The following NT5DC1 variants were observed in gnomAD, a reference collection of about 807,000 sequenced individuals.
The protein encoded by NT5DC1 is 5'-nucleotidase domain containing 1.
In NT5DC1, 42 loss-of-function variants were observed where a neutral mutation model predicts 59.4. That is an observed-to-expected ratio of 0.71 (90% confidence interval 0.55 to 0.92). The LOEUF (loss-of-function observed/expected upper bound fraction) is 0.92, where lower values mean the gene tolerates loss of function less well. Among genes scored for constraint, NT5DC1 ranks in the 40% least tolerant of loss-of-function variants. The pLI is 0.00. For missense variants in NT5DC1, 501 were observed against 537.1 expected (o/e 0.93, Z 0.66); for synonymous variants, 172 against 188.1 (o/e 0.91, Z 0.70).
At position 116,174,174 on chromosome 6, in the gene NT5DC1, A is replaced by G. The variant is rs140280728; in HGVS notation, c.530-46880A>G. Among the ~76,000 whole-genome samples, 453 of 152,236 alleles carry G rather than the reference A, an allele frequency of 3.0e-3. 2 individuals are homozygous for G. The highest frequency in any genetic ancestry group is 0.01 in the African/African-American group (428 of 41,522). ...AATATTAACCTTGATTACCTGACCAACATAGCATTTGCCATGTTTCTCTAC... is the reference window on the plus strand; with the variant it reads ...AATATTAACCTTGATTACCTGACCAGCATAGCATTTGCCATGTTTCTCTAC... On this transcript the variant is annotated intron_variant, in intron 6 of 11. Transcript: ENST00000319550.
At chr6:116,185,441 T>G (rs187042674) in intron 6 of NT5DC1, among the ~76,000 whole-genome samples, 2 of 152,208 alleles carry the variant, frequency 1.3e-5, no homozygotes, top group Admixed American at 1.3e-4. Flanking sequence ...TGATGGCCTG[T>G]CTAATGCTGT....
intron 6 of NT5DC1, among the ~76,000 whole-genome samples, chr6:116,141,454 T>C (rs1779761625): frequency 6.6e-6 from 1 of 152,136 alleles, no homozygotes; most frequent in African/African-American, 2.4e-5. Context: ...TCATTGAGAT[T>C]CAATAAATTA....
At chr6:116,226,236 G>A (rs1228640708) in intron 8 of NT5DC1, among the ~76,000 whole-genome samples, 4 of 151,946 alleles carry the variant, frequency 2.6e-5, no homozygotes, top group Non-Finnish European at 5.9e-5. Context: ...ATATAAGTAA[G>A]TACCCAATAA....
At chr6:116,111,060 G>T (rs757123744) in intron 4 of NT5DC1, 104 bp downstream of exon 4, 18 of 732,562 alleles carry the variant, frequency 2.5e-5, no homozygotes, top group Non-Finnish European at 3.7e-5. Flanking sequence ...CTGCTGGGCA[G>T]GATGCCAAAG....
intron 6 of NT5DC1, chr6:116,120,876 C>A: frequency 6.2e-7 from 1 of 1,613,932 alleles, no homozygotes; most frequent in Non-Finnish European, 8.5e-7. Flanking sequence ...GGTCCTCCAA[C>A]TCCAGGATCA....
rs149940472 is a variant in NT5DC1 at position 116,115,529 on chromosome 6, C to G, written c.365-162C>G. Among the ~76,000 whole-genome samples, 194 of 152,262 alleles carry G rather than the reference C, an allele frequency of 1.3e-3. 1 individual carries two copies. The highest frequency in any genetic ancestry group is 1.4e-3 in the Non-Finnish European group (94 of 68,006). ...TGGTGCCCTCAGAGCTTAAATCTTTCTTAAAAGACAATGACAGCCAATAAT... is the reference window on the plus strand; with the variant it reads ...TGGTGCCCTCAGAGCTTAAATCTTTGTTAAAAGACAATGACAGCCAATAAT... On this transcript the variant is annotated intron_variant, in intron 4 of 11. Transcript: ENST00000319550.
At chr6:116,225,976 C>T (rs945229264) in intron 8 of NT5DC1, among the ~76,000 whole-genome samples, 1 of 152,088 alleles carries the variant, frequency 6.6e-6, no homozygotes, top group Admixed American at 6.5e-5. Flanking sequence ...GCCTACAGCA[C>T]ACAGGACAGC....
rs3051942 is a variant in NT5DC1, at chr6:116,141,885, A to AACACACACACACACACACAC, written c.529+23963_529+23982dup. 2.3e-3 allele frequency among the ~76,000 whole-genome samples: 326 copies of AACACACACACACACACACAC among 140,388 alleles called. 1 individual carries two copies. The highest frequency in any genetic ancestry group is 8.3e-3 in the African/African-American group (310 of 37,456). The allele number at this position is 140,388 out of a possible 152,430, so 92.1% of individuals were successfully genotyped here. On this transcript the variant is annotated intron_variant, in intron 6 of 11. Transcript: ENST00000319550. ...GTAAAAGATTTTCTGCCAAAAAGAA[A>AACACACACACACACACACAC]ACACACACACACACACACACACACA... is the stretch of plus-strand genomic sequence containing the variant.
chr6:116,124,353 A>G (rs1002575707), intron 6 of NT5DC1, among the ~76,000 whole-genome samples: 2 of 152,142 alleles, frequency 1.3e-5, no homozygotes, highest in Non-Finnish European at 2.9e-5. Flanking sequence ...TAGATATTTT[A>G]TAGGCGGTCG....
chr6:116,197,830 A>G (rs1193175617), intron 6 of NT5DC1, among the ~76,000 whole-genome samples: 1 of 152,068 alleles, frequency 6.6e-6, no homozygotes, highest in Non-Finnish European at 1.5e-5. Flanking sequence ...TATGTTTGCT[A>G]CCATTGAGAA....
intron 6 of NT5DC1, among the ~76,000 whole-genome samples, chr6:116,172,011 T>C (rs1207939781): frequency 6.6e-6 from 1 of 152,170 alleles, no homozygotes; most frequent in Non-Finnish European, 1.5e-5. Context: ...GAAATTATGT[T>C]GTAGAAAGAT....
chr6:116,152,324 G>A (rs756378975), intron 6 of NT5DC1, among the ~76,000 whole-genome samples: 2 of 151,990 alleles, frequency 1.3e-5, no homozygotes, highest in Admixed American at 1.3e-4. Flanking sequence ...TCAACTTATC[G>A]TACCATTTAA....
At chr6:116,102,291 T>A (rs1240278985) in intron 1 of NT5DC1, among the ~76,000 whole-genome samples, 2 of 152,230 alleles carry the variant, frequency 1.3e-5, no homozygotes, top group African/African-American at 4.8e-5. Context: ...GAATTTCTCG[T>A]GTGTTTTCTA....
intron 6 of NT5DC1, among the ~76,000 whole-genome samples, chr6:116,123,589 G>A (rs1442793652): frequency 2.0e-5 from 3 of 152,290 alleles, no homozygotes; most frequent in Middle Eastern, 6.8e-3. Flanking sequence ...TGTGTTGGAT[G>A]GATATGCCTA....
At chr6:116,229,836 A>G (rs975480104) in intron 8 of NT5DC1, among the ~76,000 whole-genome samples, 22 of 151,998 alleles carry the variant, frequency 1.4e-4, no homozygotes, top group African/African-American at 4.6e-4. Flanking sequence ...GCTGTCACCA[A>G]TACACTGACT....
chr6:116,120,434 G>A lies in NT5DC1; in HGVS notation c.529+2489G>A, dbSNP rs201416912. ...TATGGGAGTTCCTATTGCTGGGTAA[G>A]CTTTGGAGAGAATAACAGTAAAAGC... On this transcript the variant is annotated intron_variant, in intron 6 of 11. Transcript: ENST00000319550. 20 of 1,614,266 alleles carry A rather than the reference G, an allele frequency of 1.2e-5. No homozygotes were observed. In the East Asian group the frequency reaches 3.1e-4, roughly 25 times the overall value.
intron 6 of NT5DC1, among the ~76,000 whole-genome samples, chr6:116,129,071 G>A (rs887879210): frequency 2.6e-5 from 4 of 151,884 alleles, no homozygotes; most frequent in Non-Finnish European, 5.9e-5. Flanking sequence ...CCCATATATT[G>A]TACCAATTTA....
At chr6:116,121,787 A>G (rs765035484) in intron 6 of NT5DC1, 1 of 1,611,614 alleles carries the variant, frequency 6.2e-7, no homozygotes, top group South Asian at 1.1e-5. Flanking sequence ...GAGTCCTGGC[A>G]CACCTGGTTT....
intron 6 of NT5DC1, among the ~76,000 whole-genome samples, chr6:116,169,192 C>T (rs949268254): frequency 6.6e-6 from 1 of 152,222 alleles, no homozygotes; most frequent in Non-Finnish European, 1.5e-5. Context: ...AGCTTCTCAA[C>T]TTGACCTCTT....
Sources: gnomAD v4.1 joint callset for allele counts (sites outside exome capture counted in the v4.1 genomes callset) on GRCh38, gnomAD v4.1.1 for gene constraint, MANE v1.5 for transcripts, NCBI Gene and HGNC (gene_info 2026-07-23, HGNC 2026-07-21) for gene names.